COG5: variants seen among roughly 807,000 people sequenced by gnomAD.
The protein encoded by COG5 is conserved oligomeric Golgi complex subunit 5.
COG5 carries 86 observed loss-of-function variants against 110.4 expected under a neutral mutation model. That is an observed-to-expected ratio of 0.78 (90% confidence interval 0.65 to 0.93). The LOEUF (loss-of-function observed/expected upper bound fraction) is 0.93, where lower values mean the gene tolerates loss of function less well. Ranked by LOEUF, COG5 falls within the 40% of genes least tolerant of loss-of-function variation. The pLI is 0.00. For missense variants in COG5, 1,077 were observed against 987.0 expected, an observed-to-expected ratio of 1.09 and a Z score of -1.22; for synonymous variants, 360 against 334.6, an observed-to-expected ratio of 1.08 and a Z score of -0.83.
intron 7 of COG5, among the ~76,000 whole-genome samples, chr7:107,386,576 G>C (rs1219267255): frequency 6.6e-6 from 1 of 152,166 alleles, no homozygotes; most frequent in African/African-American, 2.4e-5. Flanking sequence ...GATTGTTCAG[G>C]CTGAGGGTTC....
In COG5 at chr7:107,504,281, T is replaced by C. The variant is rs1429792859; in HGVS notation, c.538+22956A>G. Among the ~76,000 whole-genome samples, 3 of 152,346 alleles carry C rather than the reference T, an allele frequency of 2.0e-5. No homozygotes were observed. The East Asian group carries it at 5.8e-4, about 29-fold the overall frequency. Reference sequence around the variant, plus strand: ...CATATAGTTTTTATTTATAATTCTGTTTATGTGATATATCACATTTATTGA... The same window carrying C: ...CATATAGTTTTTATTTATAATTCTGCTTATGTGATATATCACATTTATTGA... On this transcript the variant is annotated intron_variant, in intron 6 of 21. Coordinates refer to ENST00000297135, the MANE Select transcript of COG5 (RefSeq NM_006348.5).
At chr7:107,437,353 T>C (rs1196207070) in intron 6 of COG5, among the ~76,000 whole-genome samples, 1 of 152,188 alleles carries the variant, frequency 6.6e-6, no homozygotes, top group Non-Finnish European at 1.5e-5. Flanking sequence ...CATAGCCCTT[T>C]GGCATCATTT....
intron 17 of COG5, among the ~76,000 whole-genome samples, chr7:107,245,851 G>A (rs549277341): frequency 3.3e-5 from 5 of 152,146 alleles, no homozygotes; most frequent in African/African-American, 4.8e-5. Flanking sequence ...TTCACAGAAC[G>A]AAAAACAAAC....
chr7:107,449,497 T>C (rs967727263), intron 6 of COG5, among the ~76,000 whole-genome samples: 1 of 152,204 alleles, frequency 6.6e-6, no homozygotes, highest in Non-Finnish European at 1.5e-5. Flanking sequence ...CTTGAGCAGT[T>C]TGTCTCTCTC....
At chr7:107,242,419 T>A (rs940199488) in intron 17 of COG5, among the ~76,000 whole-genome samples, 3 of 152,166 alleles carry the variant, frequency 2.0e-5, no homozygotes, top group Non-Finnish European at 2.9e-5. Flanking sequence ...TATGGCAAAG[T>A]GGCCAGACTG....
chr7:107,271,794 C>CT (rs201791854), intron 14 of COG5, among the ~76,000 whole-genome samples: 1,798 of 151,672 alleles, frequency 0.012, 33 homozygotes, highest in African/African-American at 0.041. Flanking sequence ...TTAATTTGCC[C>CT]TTTTTTTTCC....
intron 16 of COG5, 60 bp from the exon 17 acceptor site, chr7:107,248,559 GA>G: frequency 8.8e-7 from 1 of 1,139,532 alleles, no homozygotes; most frequent in Non-Finnish European, 1.3e-6. Flanking sequence ...ACAACCCAAA[GA>G]AATTTGAGAT....
At chr7:107,251,269 T>C (rs1216221454) in intron 16 of COG5, among the ~76,000 whole-genome samples, 1 of 152,042 alleles carries the variant, frequency 6.6e-6, no homozygotes, top group Non-Finnish European at 1.5e-5. Context: ...TTCAAACCCA[T>C]ATTTCTATTT....
At chr7:107,508,410 G>C (rs1332776021) in intron 6 of COG5, among the ~76,000 whole-genome samples, 5 of 152,246 alleles carry the variant, frequency 3.3e-5, no homozygotes, top group African/African-American at 1.2e-4. Flanking sequence ...GCCCACCACA[G>C]CTCAAGGAGG....
intron 6 of COG5, among the ~76,000 whole-genome samples, chr7:107,430,509 A>C (rs1249509701): frequency 6.6e-6 from 1 of 152,206 alleles, no homozygotes; most frequent in African/African-American, 2.4e-5. Context: ...AAGTTTTAAA[A>C]TCAGTATGTG....
At chr7:107,324,949 C>A (rs536596009) in intron 10 of COG5, among the ~76,000 whole-genome samples, 38 of 152,114 alleles carry the variant, frequency 2.5e-4, no homozygotes, top group African/African-American at 8.7e-4. Context: ...TTTTTAAATA[C>A]GGAGGGCAAT....
At chr7:107,489,861 G>T (rs975780705) in intron 6 of COG5, among the ~76,000 whole-genome samples, 4 of 151,986 alleles carry the variant, frequency 2.6e-5, no homozygotes, top group African/African-American at 7.2e-5. Flanking sequence ...ATCCGGGAAC[G>T]CTATGTAATC....
chr7:107,238,660 G>A (rs780457948), intron 17 of COG5, among the ~76,000 whole-genome samples: 2 of 151,978 alleles, frequency 1.3e-5, no homozygotes, highest in African/African-American at 4.8e-5. Context: ...TTTCACACTC[G>A]GTATCTTTCA....
Position 107,412,561 on chromosome 7 carries a change from C to T in COG5, c.610G>A (p.Ala204Thr), listed in dbSNP as rs1226680404. ...GCTTGATTTTCCACTTCAAGTCGGG[C>T]TCTTGCAATAAAAAGTAGATCATTT... ...IENDLLFIAR[A>T]RLEVENQAKR... The change falls in exon 7 of 22, where the codon GCC becomes ACC. Residue 204 changes from alanine to threonine, a missense_variant. Ala to Thr is a moderately conservative substitution (Grantham distance 58). Coordinates refer to ENST00000297135, the MANE Select transcript of COG5 (RefSeq NM_006348.5). The T allele has an allele frequency of 1.2e-6, 2 of 1,611,664 alleles. No individual in the cohort carries two copies. The highest frequency in any genetic ancestry group is 2.7e-5 in the African/African-American group (2 of 74,840).
chr7:107,304,620 T>A (rs1166876511), intron 11 of COG5, among the ~76,000 whole-genome samples: 2 of 152,204 alleles, frequency 1.3e-5, no homozygotes, highest in African/African-American at 4.8e-5. Flanking sequence ...ATGTATTCTT[T>A]ATCCCAGAGT....
At chr7:107,405,363 C>T (rs1791756660) in intron 7 of COG5, among the ~76,000 whole-genome samples, 1 of 152,188 alleles carries the variant, frequency 6.6e-6, no homozygotes, top group Admixed American at 6.5e-5. Flanking sequence ...CTGGATGACA[C>T]CTCTGTCTTG....
intron 19 of COG5, among the ~76,000 whole-genome samples, chr7:107,218,956 A>G (rs1031962094): frequency 6.6e-6 from 1 of 152,132 alleles, no homozygotes; most frequent in Non-Finnish European, 1.5e-5. Context: ...CATACATCTG[A>G]TAAGAAGCTA....
At chr7:107,259,180 T>C (rs541842325) in intron 14 of COG5, among the ~76,000 whole-genome samples, 97 of 152,206 alleles carry the variant, frequency 6.4e-4, no homozygotes, top group African/African-American at 2.3e-3. Flanking sequence ...ATTGATCAGA[T>C]TTTAATCCAA....
intron 6 of COG5, among the ~76,000 whole-genome samples, chr7:107,494,409 A>T (rs1563065558): frequency 2.0e-5 from 3 of 152,188 alleles, no homozygotes; most frequent in Non-Finnish European, 4.4e-5. Flanking sequence ...TGGTCCCATA[A>T]GATTATAATG....
Sources: gnomAD v4.1 joint callset for allele counts (sites outside exome capture counted in the v4.1 genomes callset) on GRCh38, gnomAD v4.1.1 for gene constraint, MANE v1.5 for transcripts, NCBI Gene and HGNC (gene_info 2026-07-23, HGNC 2026-07-21) for gene names.